Variants in FMNL2 observed in about 807,000 individuals in gnomAD.
FMNL2 encodes the protein formin-like protein 2.
FMNL2 carries 51 observed loss-of-function variants against 130.2 expected under a neutral mutation model. The ratio of observed to expected loss-of-function variants is 0.39; its 90% CI spans 0.31 to 0.49. The LOEUF (loss-of-function observed/expected upper bound fraction) is 0.49, where lower values mean the gene tolerates loss of function less well. Among genes scored for constraint, FMNL2 ranks in the 20% least tolerant of loss-of-function variants. The pLI, the probability that FMNL2 is intolerant of heterozygous loss-of-function variation, is 0.85. For missense variants in FMNL2, 977 were observed against 1,316.2 expected (o/e 0.74, Z 3.99); for synonymous variants, 465 against 467.1 (o/e 1.00, Z 0.06).
intron 12 of FMNL2, among the ~76,000 whole-genome samples, chr2:152,615,360 T>C (rs1698892524): frequency 1.3e-5 from 2 of 152,200 alleles, no homozygotes; most frequent in Admixed American, 1.3e-4. Context: ...CGAAGAGGTA[T>C]CTTCTTATCA....
chr2:152,347,090 C>CA (rs11390817), intron 1 of FMNL2, among the ~76,000 whole-genome samples: 133,539 of 148,410 alleles, frequency 0.9, 60,792 homozygotes, highest in East Asian at 0.98. Flanking sequence ...TATTCCGTCT[C>CA]AAAAAAAAAA....
chr2:152,373,916 G>A (rs530024897), intron 1 of FMNL2, among the ~76,000 whole-genome samples: 1 of 152,000 alleles, frequency 6.6e-6, no homozygotes, highest in South Asian at 2.1e-4. Flanking sequence ...ATGGTTGAAG[G>A]TTTTTTGGCT....
chr2:152,634,672 A>T (rs1452832283), intron 21 of FMNL2, among the ~76,000 whole-genome samples: 1 of 152,230 alleles, frequency 6.6e-6, no homozygotes, highest in Non-Finnish European at 1.5e-5. Context: ...GGTCAGGTGA[A>T]TATGGCGGAT....
Position 152,357,078 on chromosome 2 carries a change from CACGATAAATATTACATA to C in FMNL2, c.117+21360_117+21376del, listed in dbSNP as rs1682855336. On this transcript the variant is annotated intron_variant, in intron 1 of 25. Transcript: ENST00000288670. ...TAAATATTACATAAGTTTAATATAT[CACGATAAATATTACATA>C]AGTTTAATGTATCACGATAAATATT... 2.0e-4 allele frequency among the ~76,000 whole-genome samples: 20 copies of C among 100,494 alleles called. 2 individuals carry two copies. The highest frequency in any genetic ancestry group is 8.3e-4 in the East Asian group (3 of 3,622). The allele number at this position is 100,494 out of a possible 152,430, so 65.9% of individuals were successfully genotyped here. A position where few individuals can be genotyped will look rare whatever the true frequency, so the allele number is the denominator to read the frequency against.
At chr2:152,456,611 C>T (rs963916880) in intron 1 of FMNL2, among the ~76,000 whole-genome samples, 1 of 152,156 alleles carries the variant, frequency 6.6e-6, no homozygotes, top group Non-Finnish European at 1.5e-5. Flanking sequence ...CTTCAGTTTA[C>T]TCTTCTTTGT....
chr2:152,375,767 G>T (rs1684117995), intron 1 of FMNL2, among the ~76,000 whole-genome samples: 1 of 148,806 alleles, frequency 6.7e-6, no homozygotes, highest in Non-Finnish European at 1.5e-5. Context: ...CCATTGCTTT[G>T]TTATGATTAT....
intron 2 of FMNL2, among the ~76,000 whole-genome samples, chr2:152,538,191 G>A (rs1032182768): frequency 6.6e-6 from 1 of 152,134 alleles, no homozygotes; most frequent in Admixed American, 6.5e-5. Flanking sequence ...AAGGAGTTAC[G>A]AATTACATTA....
At chr2:152,486,064 T>TA (rs1351662334) in intron 1 of FMNL2, among the ~76,000 whole-genome samples, 4 of 152,174 alleles carry the variant, frequency 2.6e-5, no homozygotes, top group Non-Finnish European at 5.9e-5. Context: ...AGGCCTAAGA[T>TA]AAATAGATAG....
intron 1 of FMNL2, among the ~76,000 whole-genome samples, chr2:152,391,951 T>C (rs1331329634): frequency 7.5e-6 from 1 of 132,664 alleles, no homozygotes; most frequent in East Asian, 2.6e-4. Context: ...CTCGAAAACA[T>C]CTACCTTAGG....
intron 1 of FMNL2, among the ~76,000 whole-genome samples, chr2:152,453,174 C>T (rs1389195753): frequency 1.3e-5 from 2 of 149,050 alleles, no homozygotes; most frequent in Non-Finnish European, 3.0e-5. Flanking sequence ...TACACTCCAG[C>T]CAGGGTGACA....
intron 1 of FMNL2, among the ~76,000 whole-genome samples, chr2:152,483,065 A>G (rs184850089): frequency 4.1e-4 from 62 of 152,292 alleles, no homozygotes; most frequent in Non-Finnish European, 7.2e-4. Flanking sequence ...ATTTTTGTGT[A>G]TCAGCTGTAT....
chr2:152,385,824 A>C (rs1306857255), intron 1 of FMNL2, among the ~76,000 whole-genome samples: 1 of 152,188 alleles, frequency 6.6e-6, no homozygotes, highest in Non-Finnish European at 1.5e-5. Flanking sequence ...TGAAGGCTTA[A>C]ATTGTGTTCT....
intron 6 of FMNL2, among the ~76,000 whole-genome samples, chr2:152,561,318 A>G (rs1206197730): frequency 6.6e-6 from 1 of 152,134 alleles, no homozygotes; most frequent in Non-Finnish European, 1.5e-5. Context: ...TAGGCAGATA[A>G]GGTTTTGAAA....
intron 1 of FMNL2, chr2:152,389,835 G>A (rs1685001625): frequency 4.2e-6 from 5 of 1,182,586 alleles, no homozygotes; most frequent in Admixed American, 1.8e-5. Context: ...TGGCAAAGAA[G>A]CTTATCATAC....
intron 1 of FMNL2, among the ~76,000 whole-genome samples, chr2:152,370,510 C>T (rs1683815772): frequency 6.6e-6 from 1 of 152,140 alleles, no homozygotes; most frequent in Admixed American, 6.5e-5. Flanking sequence ...ATTAGGAGGA[C>T]TACATTGATT....
At chr2:152,553,812 A>G (rs1185307101) in intron 4 of FMNL2, among the ~76,000 whole-genome samples, 1 of 152,058 alleles carries the variant, frequency 6.6e-6, no homozygotes, top group Non-Finnish European at 1.5e-5. Context: ...TCCAAAAAAA[A>G]ATTGGTGACA....
chr2:152,647,183 T>TA (rs1002494361), intron 25 of FMNL2, among the ~76,000 whole-genome samples: 5 of 151,802 alleles, frequency 3.3e-5, no homozygotes, highest in Non-Finnish European at 5.9e-5. Context: ...CCCCATTTCT[T>TA]AAAAAAAATA....
chr2:152,465,771 C>T (rs777153102), intron 1 of FMNL2, among the ~76,000 whole-genome samples: 43 of 152,218 alleles, frequency 2.8e-4, no homozygotes, highest in Non-Finnish European at 4.0e-4. Context: ...ACACACTTAT[C>T]TTAGCACTTT....
chr2:152,516,762 G>A (rs565087190), intron 1 of FMNL2, among the ~76,000 whole-genome samples: 26 of 152,230 alleles, frequency 1.7e-4, no homozygotes, highest in African/African-American at 6.3e-4. Flanking sequence ...GGTCTATTTG[G>A]TTGTGAATGA....
Sources: allele counts gnomAD v4.1 joint callset (sites outside exome capture counted in the v4.1 genomes callset), GRCh38; gene constraint gnomAD v4.1.1; transcripts MANE v1.5; gene names NCBI Gene and HGNC (gene_info 2026-07-23, HGNC 2026-07-21).